The following MERTK variants were observed in gnomAD, a reference collection of about 807,000 sequenced individuals.
MERTK encodes the protein tyrosine-protein kinase Mer.
Under a neutral mutation model 99.3 loss-of-function variants are expected in MERTK, and 69 were observed. The ratio of observed to expected loss-of-function variants is 0.70; its 90% CI spans 0.57 to 0.85. The LOEUF is 0.85. MERTK is among the 40% of genes least tolerant of loss of function. MERTK has a pLI of 0.00. For synonymous variants in MERTK, 426 were observed against 467.6 expected (o/e 0.91, Z 1.15); for missense variants, 1,125 against 1,249.4 (o/e 0.90, Z 1.50).
intron 2 of MERTK, among the ~76,000 whole-genome samples, chr2:111,938,408 G>C (rs1684801122): frequency 6.6e-6 from 1 of 152,130 alleles, no homozygotes; most frequent in Non-Finnish European, 1.5e-5. Flanking sequence ...ACCTCATATA[G>C]GTGGCATCAT....
intron 1 of MERTK, among the ~76,000 whole-genome samples, chr2:111,915,083 T>C (rs1684326431): frequency 6.6e-6 from 1 of 152,220 alleles, no homozygotes; most frequent in South Asian, 2.1e-4. Context: ...TATAGCCTGA[T>C]TCAAATTATC....
chr2:111,979,593 T>G (rs1362049099), intron 7 of MERTK, among the ~76,000 whole-genome samples: 1 of 152,138 alleles, frequency 6.6e-6, no homozygotes, highest in Non-Finnish European at 1.5e-5. Flanking sequence ...TAGACGATTG[T>G]TAATTAGACC....
At chr2:112,017,307 A>G (rs550742016) in intron 15 of MERTK, among the ~76,000 whole-genome samples, 3 of 152,176 alleles carry the variant, frequency 2.0e-5, no homozygotes, top group African/African-American at 7.2e-5. Flanking sequence ...TGCATTTACA[A>G]TCCTTTAGCT....
intron 2 of MERTK, among the ~76,000 whole-genome samples, chr2:111,944,533 A>ATTCCTTAAAATCATTCC (rs1265922025): frequency 6.6e-6 from 1 of 151,258 alleles, no homozygotes; most frequent in Admixed American, 6.6e-5. Flanking sequence ...TTAAGGAATT[A>ATTCCTTAAAATCATTCC]GCTCACACAC....
intron 11 of MERTK, 85 bp from the exon 12 acceptor site, chr2:112,003,007 A>G: frequency 1.1e-5 from 8 of 745,918 alleles, no homozygotes; most frequent in Non-Finnish European, 2.0e-5. Flanking sequence ...ATGTTTTATT[A>G]TACAGGACTT....
chr2:111,933,492 G>A (rs917999107), intron 2 of MERTK, among the ~76,000 whole-genome samples: 1 of 152,146 alleles, frequency 6.6e-6, no homozygotes, highest in Non-Finnish European at 1.5e-5. Flanking sequence ...TATTGGCAGA[G>A]GTCAAAAGGA....
At position 111,959,691 on chromosome 2, in the gene MERTK, G is replaced by A. The variant is rs752175155; in HGVS notation, c.758-5500G>A. ...GTTTCACCATGTTGCCCCAGGGTGG[G>A]GCAACTTCTGGACTTGAACTCTCGA... On this transcript the variant is annotated intron_variant, in intron 4 of 18. Transcript: ENST00000295408. 1.5e-4 allele frequency among the ~76,000 whole-genome samples: 23 copies of A among 151,852 alleles called. 1 individual carries two copies. Among genetic ancestry groups the A allele is most frequent in the Middle Eastern group, 3.2e-3 (1 of 316 alleles).
chr2:112,019,785 G>C (rs1333676713), intron 16 of MERTK, among the ~76,000 whole-genome samples: 1 of 152,186 alleles, frequency 6.6e-6, no homozygotes, highest in Non-Finnish European at 1.5e-5. Flanking sequence ...GGAATGCAAG[G>C]TGTGACCCTT....
In MERTK at chr2:112,028,738, G is replaced by C. The variant is rs144406499; in HGVS notation, c.2874G>C (p.Pro958=). ...AVTAEKNSVL[P]GERLVRNGVS... is the part of the protein sequence containing the mutation. Reference sequence around the variant, plus strand: ...CAGCTGAAAAGAACAGTGTTTTACCGGGGGAGAGACTTGTTAGGAATGGGG... The same window carrying C: ...CAGCTGAAAAGAACAGTGTTTTACCCGGGGAGAGACTTGTTAGGAATGGGG... The change falls in exon 19 of 19, where the codon CCG becomes CCC. Residue 958 remains proline, a synonymous_variant. Transcript: ENST00000295408. 2.5e-6 allele frequency: 4 copies of C among 1,614,106 alleles called. No individual in the cohort carries two copies. The highest frequency in any genetic ancestry group is 2.2e-5 in the East Asian group (1 of 44,878).
At chr2:111,966,359 G>A (rs944957311) in intron 5 of MERTK, among the ~76,000 whole-genome samples, 1 of 152,024 alleles carries the variant, frequency 6.6e-6, no homozygotes, top group Non-Finnish European at 1.5e-5. Context: ...AAGTTCACTG[G>A]GATAAAAAAA....
chr2:112,002,595 T>C (rs1573632997), intron 11 of MERTK, among the ~76,000 whole-genome samples: 1 of 152,224 alleles, frequency 6.6e-6, no homozygotes, highest in Non-Finnish European at 1.5e-5. Flanking sequence ...AACCTTGCCC[T>C]GAAGGATTCA....
At chr2:112,019,078 CTG>C (rs71957777) in intron 15 of MERTK, among the ~76,000 whole-genome samples, 6,643 of 152,178 alleles carry the variant, frequency 0.044, 141 homozygotes, top group African/African-American at 0.061. Flanking sequence ...TTTCCCTCCT[CTG>C]TGCAATGCGT....
rs1221970371 is a variant in MERTK at position 111,925,290 on chromosome 2, ATATTTTT to A, written c.62-3828_62-3822del. Among the ~76,000 whole-genome samples, 129 of 31,476 alleles carry A rather than the reference ATATTTTT, an allele frequency of 4.1e-3. 2 individuals are homozygous for A. In the East Asian group the frequency reaches 0.11, roughly 27 times the overall value. The allele number at this position is 31,476 out of a possible 152,430, so 20.6% of individuals were successfully genotyped here. On this transcript the variant is annotated intron_variant, in intron 1 of 18. Coordinates refer to ENST00000295408, the MANE Select transcript of MERTK (RefSeq NM_006343.3). ...GTACAGATCAGATATATATATATAT[ATATTTTT>A]TTTTTTTTTTTTTTTTTTTTTGAGA...
chr2:111,963,667 A>C (rs1369281856), intron 4 of MERTK, among the ~76,000 whole-genome samples: 1 of 152,178 alleles, frequency 6.6e-6, no homozygotes, highest in Non-Finnish European at 1.5e-5. Context: ...TTCAGGGAGC[A>C]CGGGGTTGGG....
rs548652449 is a variant in MERTK at position 111,966,394 on chromosome 2, G to A, written c.844+1117G>A. On this transcript the variant is annotated intron_variant, in intron 5 of 18. Coordinates refer to ENST00000295408, the MANE Select transcript of MERTK (RefSeq NM_006343.3). ...ATAACCAAACTAAAAGTTATTACTG[G>A]AGGAAGTGTATAACTTCCTTCCTTC... is the stretch of plus-strand genomic sequence containing the variant. Among the ~76,000 whole-genome samples, 4 of 152,258 alleles carry A rather than the reference G, an allele frequency of 2.6e-5. No homozygotes were observed. In the South Asian group the frequency reaches 8.3e-4, roughly 32 times the overall value.
chr2:111,956,326 GCTAC>G (rs143485906), intron 4 of MERTK, among the ~76,000 whole-genome samples: 3,183 of 152,238 alleles, frequency 0.021, 55 homozygotes, highest in Middle Eastern at 0.068. Flanking sequence ...TGATTGAAAT[GCTAC>G]CTATTATATT....
At position 111,940,347 on chromosome 2, in the gene MERTK, A is replaced by G. The variant is rs1206131867; in HGVS notation, c.483-4613A>G. 3 of 520,082 alleles carry G rather than the reference A, an allele frequency of 5.8e-6. No individual in the cohort carries two copies. The African/African-American group carries it at 5.9e-5, about 10-fold the overall frequency. 32.2% of individuals were successfully genotyped at this position (520,082 alleles called of 1,614,324 possible). ...GCCTGTGGTCTGTCCTTGCATCAGC[A>G]ATAATTGCCTGAACAGCTGCTATGG... is the stretch of plus-strand genomic sequence containing the variant. On this transcript the variant is annotated intron_variant, in intron 2 of 18. Coordinates refer to ENST00000295408, the MANE Select transcript of MERTK (RefSeq NM_006343.3).
intron 3 of MERTK, among the ~76,000 whole-genome samples, chr2:111,945,739 G>T (rs1216129476): frequency 6.6e-6 from 1 of 152,224 alleles, no homozygotes; most frequent in Non-Finnish European, 1.5e-5. Context: ...TCCTGGTTTG[G>T]TGCCCTGATT....
intron 8 of MERTK, among the ~76,000 whole-genome samples, chr2:111,990,643 G>C (rs1247907133): frequency 6.6e-6 from 1 of 152,180 alleles, no homozygotes; most frequent in East Asian, 1.9e-4. Flanking sequence ...AAAGTGTCTG[G>C]GGACCAGAAG....
Sources: gnomAD v4.1 joint callset for allele counts (sites outside exome capture counted in the v4.1 genomes callset) on GRCh38, gnomAD v4.1.1 for gene constraint, MANE v1.5 for transcripts, NCBI Gene and HGNC (gene_info 2026-07-23, HGNC 2026-07-21) for gene names.